IL17RD: variants seen among roughly 807,000 people sequenced by gnomAD.
IL17RD encodes the protein interleukin 17 receptor D.
A neutral mutation model predicts 80.5 loss-of-function variants in IL17RD; 52 were observed. That is an observed-to-expected ratio of 0.65 (90% CI 0.52 to 0.81). The LOEUF is 0.81. IL17RD is among the 40% of genes least tolerant of loss of function. The probability of loss-of-function intolerance (pLI) is 0.00; values close to 1 mark genes in which losing one functional copy is unlikely to be tolerated. For missense variants in IL17RD, 1,024 were observed against 955.1 expected (o/e 1.07, Z -0.95); for synonymous variants, 416 against 391.8 (o/e 1.06, Z -0.73).
chr3:57,105,818 A>T, intron 7 of IL17RD, 39 bp downstream of exon 7: 1 of 1,589,506 alleles, frequency 6.3e-7, no homozygotes, highest in East Asian at 2.2e-5. Flanking sequence ...GGTCGCTTTG[A>T]AACACGCAGT....
intron 1 of IL17RD, among the ~76,000 whole-genome samples, chr3:57,155,589 A>C (rs1333550716): frequency 2.0e-4 from 30 of 152,214 alleles, no homozygotes; most frequent in Admixed American, 2.0e-3. Context: ...AAGCAATTTC[A>C]GAGGAAATTT....
chr3:57,099,208 A>T (rs1009514509), intron 11 of IL17RD, among the ~76,000 whole-genome samples: 3 of 152,140 alleles, frequency 2.0e-5, no homozygotes, highest in Non-Finnish European at 4.4e-5. Context: ...ATTCTGAGTA[A>T]CTCACTCAGG....
At chr3:57,164,914 C>T (rs1460735179) in intron 1 of IL17RD, 4 of 1,253,424 alleles carry the variant, frequency 3.2e-6, no homozygotes, top group South Asian at 4.0e-5. Context: ...GGACCCCGGC[C>T]GGCGGCCGCA....
Position 57,165,340 on chromosome 3 carries a change from G to A in IL17RD, c.-54C>T. On this transcript the variant is annotated 5_prime_UTR_variant, in exon 1 of 13. Transcript: ENST00000296318. Reference sequence around the variant, plus strand: ...CTCTGCGCCCCGGCCGCCCGCCGCTGGCCAGCCCCGAGTGGGCGGTGGCCG... The same window carrying A: ...CTCTGCGCCCCGGCCGCCCGCCGCTAGCCAGCCCCGAGTGGGCGGTGGCCG... 1.6e-6 allele frequency: 2 copies of A among 1,243,522 alleles called. No individual in the cohort carries two copies. Among genetic ancestry groups the A allele is most frequent in the South Asian group, 3.2e-5 (1 of 31,714 alleles). The allele number at this position is 1,243,522 out of a possible 1,614,324, so 77.0% of individuals were successfully genotyped here. A position where few individuals can be genotyped will look rare whatever the true frequency, so the allele number is the denominator to read the frequency against.
At chr3:57,127,180 TC>T (rs1383421893) in intron 1 of IL17RD, among the ~76,000 whole-genome samples, 13 of 118,376 alleles carry the variant, frequency 1.1e-4, no homozygotes, top group African/African-American at 4.8e-4. Context: ...TAAGGCCAAC[TC>T]ATATATATAT....
At position 57,113,522 on chromosome 3, in the gene IL17RD, C is replaced by G. The variant is rs1387843258; in HGVS notation, c.310+1170G>C. 6.6e-5 allele frequency among the ~76,000 whole-genome samples: 10 copies of G among 152,254 alleles called. No individual in the cohort carries two copies. The South Asian group carries it at 1.9e-3, about 28-fold the overall frequency. On this transcript the variant is annotated intron_variant, in intron 3 of 12. Transcript: ENST00000296318. Reference sequence around the variant, plus strand: ...TAAGTGCTGGAATTACAGGCATGAGCCACCACGCCCAGCCTGTTTTGTTTT... The same window carrying G: ...TAAGTGCTGGAATTACAGGCATGAGGCACCACGCCCAGCCTGTTTTGTTTT...
chr3:57,169,842 A>AC (rs11387151), upstream of IL17RD, among the ~76,000 whole-genome samples: 100,612 of 151,846 alleles, frequency 0.66, 33,686 homozygotes, highest in African/African-American at 0.75. Flanking sequence ...AGTCCCTGAG[A>AC]CCCCACAAGA....
upstream of IL17RD, among the ~76,000 whole-genome samples, chr3:57,168,094 A>T (rs1226099090): frequency 6.6e-6 from 1 of 152,160 alleles, no homozygotes; most frequent in Non-Finnish European, 1.5e-5. Flanking sequence ...AGCCTCACAA[A>T]GTGCTAGGAT....
intron 1 of IL17RD, among the ~76,000 whole-genome samples, chr3:57,121,667 T>C (rs1016900925): frequency 7.2e-5 from 11 of 152,180 alleles, no homozygotes; most frequent in Non-Finnish European, 1.6e-4. Context: ...TAAAACACTT[T>C]GGAAAGTGTT....
intron 1 of IL17RD, among the ~76,000 whole-genome samples, chr3:57,139,063 G>A (rs1707782555): frequency 6.6e-6 from 1 of 151,992 alleles, no homozygotes; most frequent in Non-Finnish European, 1.5e-5. Flanking sequence ...TATATTTTGG[G>A]GGGAGGGGAG....
At chr3:57,111,859 G>A (rs1447912577) in intron 3 of IL17RD, among the ~76,000 whole-genome samples, 2 of 151,780 alleles carry the variant, frequency 1.3e-5, no homozygotes, top group Non-Finnish European at 2.9e-5. Context: ...CTACTCGGAA[G>A]GCTGAGTCAG....
chr3:57,164,952 G>C (rs939477294), intron 1 of IL17RD: 123 of 1,308,604 alleles, frequency 9.4e-5, no homozygotes, highest in South Asian at 1.9e-5. Context: ...AGCCGGGGTC[G>C]GGCAGCCGCT....
At chr3:57,162,234 C>T (rs1360727154) in intron 1 of IL17RD, among the ~76,000 whole-genome samples, 1 of 152,244 alleles carries the variant, frequency 6.6e-6, no homozygotes, top group Non-Finnish European at 1.5e-5. Flanking sequence ...GGGTCATTTG[C>T]TCAGCTCTGC....
chr3:57,114,838 G>T, intron 2 of IL17RD, 21 bp from the exon 3 acceptor site: 2 of 1,522,418 alleles, frequency 1.3e-6, no homozygotes, highest in South Asian at 1.3e-5. Flanking sequence ...GGGAGAATGA[G>T]AACAGTTAAA....
intron 7 of IL17RD, among the ~76,000 whole-genome samples, chr3:57,105,548 AAAAAAT>A (rs202126459): frequency 0.03 from 2,917 of 98,768 alleles, 174 homozygotes; most frequent in African/African-American, 0.14. Context: ...AAAAAAAAAA[AAAAAAT>A]ATATATATAT....
intron 1 of IL17RD, among the ~76,000 whole-genome samples, chr3:57,162,617 A>C (rs1361878507): frequency 6.6e-6 from 1 of 152,204 alleles, no homozygotes; most frequent in East Asian, 1.9e-4. Flanking sequence ...GCAGAGGTGT[A>C]AAGGAACACA....
intron 11 of IL17RD, among the ~76,000 whole-genome samples, chr3:57,098,820 C>A (rs956884804): frequency 6.6e-6 from 1 of 152,224 alleles, no homozygotes; most frequent in Non-Finnish European, 1.5e-5. Context: ...GGGACAGAAG[C>A]GCAGTGCTTT....
chr3:57,154,311 C>T lies in IL17RD; in HGVS notation c.126+10850G>A, dbSNP rs952794539. Among the ~76,000 whole-genome samples, 53 of 149,506 alleles carry T rather than the reference C, an allele frequency of 3.5e-4. 1 individual carries two copies. The highest frequency in any genetic ancestry group is 1.3e-3 in the Admixed American group (19 of 15,018). On this transcript the variant is annotated intron_variant, in intron 1 of 12. Coordinates refer to ENST00000296318, the MANE Select transcript of IL17RD (RefSeq NM_017563.5). ...ACACACACACACACACATACATACA[C>T]GTCATAAATCCATTTAAAATCTCCT...
chr3:57,124,986 G>A (rs978657178), intron 1 of IL17RD, among the ~76,000 whole-genome samples: 2 of 152,120 alleles, frequency 1.3e-5, no homozygotes, highest in Non-Finnish European at 2.9e-5. Flanking sequence ...GCTGACCTGG[G>A]GCTGACCCCC....
Sources: allele counts gnomAD v4.1 joint callset (sites outside exome capture counted in the v4.1 genomes callset), GRCh38; gene constraint gnomAD v4.1.1; transcripts MANE v1.5; gene names NCBI Gene and HGNC (gene_info 2026-07-23, HGNC 2026-07-21).